Variants in FGF4 observed in about 807,000 individuals in gnomAD.
FGF4 encodes the protein fibroblast growth factor 4, also known as heparin secretory transforming protein 1.
In FGF4, 9 loss-of-function variants were observed where a neutral mutation model predicts 15.7. That is an observed-to-expected ratio of 0.57 (90% confidence interval 0.35 to 1.00). FGF4 has a LOEUF of 1.00. Among genes scored for constraint, FGF4 ranks in the 50% least tolerant of loss-of-function variants. The pLI is 0.02. For missense variants in FGF4, 286 were observed against 297.3 expected, an observed-to-expected ratio of 0.96 and a Z score of 0.28; for synonymous variants, 164 against 144.8, an observed-to-expected ratio of 1.13 and a Z score of -0.95.
intron 2 of FGF4, 86 bp downstream of exon 2, chr11:69,773,938 A>C: frequency 1.8e-6 from 2 of 1,121,328 alleles, no homozygotes; most frequent in South Asian, 1.4e-5. Flanking sequence ...AGACCCAGGC[A>C]CAGGTGGGGC....
rs1286655928 is a variant in FGF4, at chr11:69,771,938, G to C, written c.*1371C>G. 2 of 151,978 alleles carry C rather than the reference G, an allele frequency of 1.3e-5. No individual in the cohort carries two copies. Among genetic ancestry groups the C allele is most frequent in the Non-Finnish European group, 2.9e-5 (2 of 68,020 alleles). 9.4% of individuals were successfully genotyped at this position (151,978 alleles called of 1,614,324 possible). A position where few individuals can be genotyped will look rare whatever the true frequency, so the allele number is the denominator to read the frequency against. On this transcript the variant is annotated 3_prime_UTR_variant, in exon 3 of 3. Coordinates refer to ENST00000168712, the MANE Select transcript of FGF4 (RefSeq NM_002007.4). ...CTCGGAACTTTTTTTAAACATCACCGACCCTGCCTCTTCCACGGTTGCTTC... is the reference window on the plus strand; with the variant it reads ...CTCGGAACTTTTTTTAAACATCACCCACCCTGCCTCTTCCACGGTTGCTTC...
In FGF4 at chr11:69,774,884, C is replaced by T; in HGVS notation, c.201G>A (p.Ala67=). The part of the protein sequence containing the change: ...RLPVAAQPKE[A]AVQSGAGDYL... ...AGTCGCCGGCGCCGCTCTGGACGGC[C>T]GCCTCCTTGGGCTGCGCTGCCACCG... Residue 67 remains alanine (A), a synonymous_variant, in exon 1 of 3, where the codon GCG becomes GCA. Transcript: ENST00000168712. The T allele has an allele frequency of 6.7e-7, 1 of 1,496,316 alleles. No individual in the cohort carries two copies. Among genetic ancestry groups the T allele is most frequent in the Non-Finnish European group, 8.8e-7 (1 of 1,130,278 alleles). The allele number at this position is 1,496,316 out of a possible 1,614,324, so 92.7% of individuals were successfully genotyped here.
chr11:69,774,008 C>A lies in FGF4; in HGVS notation c.444+16G>T, dbSNP rs1333445228. 19 of 1,601,982 alleles carry A rather than the reference C, an allele frequency of 1.2e-5. No individual in the cohort carries two copies. The highest frequency in any genetic ancestry group is 2.7e-5 in the African/African-American group (2 of 74,756). ...GTTCCCAACTAGGTGCCTAGCCAGA[C>A]CCCTGCGGTACTCACCGAGCCATAG... On this transcript the variant is annotated intron_variant, in intron 2 of 2. Transcript: ENST00000168712.
Position 69,772,815 on chromosome 11 carries a change from T to C in FGF4, c.*494A>G, listed in dbSNP as rs3740640. The stretch of plus-strand genomic sequence containing the variant: ...TTTCTGTACCCGAAGTAAACCGATA[T>C]GTCCCGATTAATAGCAACAGGGCAC... On this transcript the variant is annotated 3_prime_UTR_variant, in exon 3 of 3. Coordinates refer to ENST00000168712, the MANE Select transcript of FGF4 (RefSeq NM_002007.4). 0.13 allele frequency: 23,541 copies of C among 174,644 alleles called. 2,146 individuals carry two copies. The highest frequency in any genetic ancestry group is 0.41 in the East Asian group (3,690 of 8,982). 10.8% of individuals were successfully genotyped at this position (174,644 alleles called of 1,614,324 possible).
Position 69,771,749 on chromosome 11 carries a change from C to T in FGF4, c.*1560G>A, listed in dbSNP as rs1394550553. On this transcript the variant is annotated 3_prime_UTR_variant, in exon 3 of 3. Transcript: ENST00000168712. ...ACTCCAATCAGATTTTCCAGTCTTG[C>T]TGTCTGTAGACTCCCATAAAGTTAA... The T allele has an allele frequency of 6.6e-6, 1 of 152,194 alleles. No homozygotes were observed. The highest frequency in any genetic ancestry group is 2.4e-5 in the African/African-American group (1 of 41,444). 9.4% of individuals were successfully genotyped at this position (152,194 alleles called of 1,614,324 possible).
Position 69,771,158 on chromosome 11 carries a change from G to A in FGF4, c.*2151C>T, listed in dbSNP as rs993562245. The A allele has an allele frequency of 6.6e-6, 1 of 152,214 alleles. No individual in the cohort carries two copies. Among genetic ancestry groups the A allele is most frequent in the Non-Finnish European group, 1.5e-5 (1 of 68,040 alleles). The allele number at this position is 152,214 out of a possible 1,614,324, so 9.4% of individuals were successfully genotyped here. A position where few individuals can be genotyped will look rare whatever the true frequency, so the allele number is the denominator to read the frequency against. On this transcript the variant is annotated 3_prime_UTR_variant, in exon 3 of 3. Coordinates refer to ENST00000168712, the MANE Select transcript of FGF4 (RefSeq NM_002007.4). ...ATGTGCACAGCACATACATCACAAC[G>A]AGGGTCGGCACCTGTATAAAACTAC...
At position 69,771,829 on chromosome 11, in the gene FGF4, T is replaced by C. The variant is rs1470107479; in HGVS notation, c.*1480A>G. ...AGAGTATTAAAGTCTTGACGAAACATTCGGAGCATTTCTGGTAGCAAGCTA... is the reference window on the plus strand; with the variant it reads ...AGAGTATTAAAGTCTTGACGAAACACTCGGAGCATTTCTGGTAGCAAGCTA... On this transcript the variant is annotated 3_prime_UTR_variant, in exon 3 of 3. Transcript: ENST00000168712. 3 of 152,158 alleles carry C rather than the reference T, an allele frequency of 2.0e-5. No individual in the cohort carries two copies. The highest frequency in any genetic ancestry group is 7.2e-5 in the African/African-American group (3 of 41,424). The allele number at this position is 152,158 out of a possible 1,614,324, so 9.4% of individuals were successfully genotyped here.
chr11:69,774,707 C>T, intron 1 of FGF4, 38 bp downstream of exon 1: 1 of 1,365,952 alleles, frequency 7.3e-7, no homozygotes, highest in Middle Eastern at 2.7e-4. Context: ...GCCGTTGCCC[C>T]CCGCCCCCGC....
intron 1 of FGF4, 129 bp downstream of exon 1, chr11:69,774,616 C>A (rs1195771748): frequency 9.3e-6 from 6 of 647,542 alleles, no homozygotes. Context: ...GACCGGAGCC[C>A]GAGTCCGCCC....
In FGF4 at chr11:69,772,843, A is replaced by T; in HGVS notation, c.*466T>A. The stretch of plus-strand genomic sequence containing the variant: ...CCCGATTAATAGCAACAGGGCACAA[A>T]GGGAGTGGGCCTCTGAGGATGCTAG... On this transcript the variant is annotated 3_prime_UTR_variant, in exon 3 of 3. Coordinates refer to ENST00000168712, the MANE Select transcript of FGF4 (RefSeq NM_002007.4). 1 of 187,600 alleles carries T rather than the reference A, an allele frequency of 5.3e-6. No individual in the cohort carries two copies. The highest frequency in any genetic ancestry group is 1.1e-5 in the Non-Finnish European group (1 of 88,882). The allele number at this position is 187,600 out of a possible 1,614,324, so 11.6% of individuals were successfully genotyped here. A position where few individuals can be genotyped will look rare whatever the true frequency, so the allele number is the denominator to read the frequency against.
rs985697157 is a variant in FGF4, at chr11:69,772,110, C to T, written c.*1199G>A. 6.6e-6 allele frequency: 1 copy of T among 152,290 alleles called. No individual in the cohort carries two copies. The highest frequency in any genetic ancestry group is 1.9e-4 in the East Asian group (1 of 5,176). 9.4% of individuals were successfully genotyped at this position (152,290 alleles called of 1,614,324 possible). ...AATCACAGGGTAAAGATAGCTCAAA[C>T]GTGACAAGGTTCGAATGGGACGCAC... On this transcript the variant is annotated 3_prime_UTR_variant, in exon 3 of 3. Transcript: ENST00000168712.
At position 69,775,020 on chromosome 11, in the gene FGF4, G is replaced by T; in HGVS notation, c.65C>A (p.Pro22His). ...LPAVLLALLA[P>H]WAGRGGAAAP... is the part of the protein sequence containing the mutation. ...GGCGGCGCCCCCTCGGCCCGCCCAG[G>T]GCGCCAGCAAGGCCAGCAGGACCGC... is the stretch of plus-strand genomic sequence containing the variant. Residue 22 changes from proline to histidine, a missense_variant, in exon 1 of 3, where the codon CCC (proline) becomes CAC (histidine). Pro to His is a moderately conservative substitution (Grantham distance 77). Transcript: ENST00000168712. 1 of 1,439,096 alleles carries T rather than the reference G, an allele frequency of 6.9e-7. No homozygotes were observed. The highest frequency in any genetic ancestry group is 2.7e-5 in the Admixed American group (1 of 36,464). 89.1% of individuals were successfully genotyped at this position (1,439,096 alleles called of 1,614,324 possible).
chr11:69,774,919 C>A lies in FGF4; in HGVS notation c.166G>T (p.Ala56Ser). ...GGCTGCGCTGCCACCGGCAGGCGCG[C>A]CAACGAGAGCGCCACCAGGCTCTCC... ...RWESLVALSL[A>S]RLPVAAQPKE... Residue 56 changes from alanine (A) to serine (S), a missense_variant, in exon 1 of 3, where the codon GCG (alanine) becomes TCG (serine). Physicochemically the swap from Ala to Ser is moderately conservative, Grantham distance 99. Coordinates refer to ENST00000168712, the MANE Select transcript of FGF4 (RefSeq NM_002007.4). 1 of 1,481,442 alleles carries A rather than the reference C, an allele frequency of 6.8e-7. No individual in the cohort carries two copies. 91.8% of individuals were successfully genotyped at this position (1,481,442 alleles called of 1,614,324 possible). A position where few individuals can be genotyped will look rare whatever the true frequency, so the allele number is the denominator to read the frequency against.
rs1855599424 is a variant in FGF4 at position 69,773,431 on chromosome 11, T to C, written c.499A>G (p.Asn167Asp). The C allele has an allele frequency of 6.2e-7, 1 of 1,613,988 alleles. No individual in the cohort carries two copies. The highest frequency in any genetic ancestry group is 1.7e-5 in the Admixed American group (1 of 59,994). Residue 167 changes from asparagine (N) to aspartate (D), a missense_variant, in exon 3 of 3, where the codon AAC (asparagine) becomes GAC (aspartate). Physicochemically the swap from Asn to Asp is conservative, Grantham distance 23. Transcript: ENST00000168712. The part of the protein sequence containing the change: ...FKEILLPNNY[N>D]AYESYKYPGM... ...GGGTACTTGTAGGACTCGTAGGCGT[T>C]GTAGTTGTTGGGAAGGAGAATCTCC...
rs1334783518 is a variant in FGF4 at position 69,775,062 on chromosome 11, G to A, written c.23C>T (p.Ala8Val). The change falls in exon 1 of 3, where the codon GCG becomes GTG. Residue 8 changes from alanine (A) to valine (V), a missense_variant. Transcript: ENST00000168712. MSGPGTA[A>V]VALLPAVLLA... ...CAGGACCGCCGGGAGCAGCGCTACCGCGGCCGTCCCGGGCCCCGACATCCC... is the reference window on the plus strand; with the variant it reads ...CAGGACCGCCGGGAGCAGCGCTACCACGGCCGTCCCGGGCCCCGACATCCC... 8.1e-6 allele frequency: 11 copies of A among 1,352,220 alleles called. No homozygotes were observed. In the East Asian group the frequency reaches 2.5e-4, roughly 31 times the overall value. The allele number at this position is 1,352,220 out of a possible 1,614,324, so 83.8% of individuals were successfully genotyped here.
At position 69,774,108 on chromosome 11, in the gene FGF4, G is replaced by C. The variant is rs978028266; in HGVS notation, c.360C>G (p.Pro120=). 8 of 1,612,438 alleles carry C rather than the reference G, an allele frequency of 5.0e-6. No individual in the cohort carries two copies. Among genetic ancestry groups the C allele is most frequent in the African/African-American group, 4.0e-5 (3 of 75,066 alleles). The change falls in exon 2 of 3, where the codon CCC becomes CCG. Residue 120 remains proline, a synonymous_variant. Transcript: ENST00000168712. ...DTRDSLLELS[P]VERGVVSIFG... ...AGATGCTCACCACGCCCCGCTCCAC[G>C]GGCGAGAGCTCCAGCAGGCCTGGGG...
At position 69,774,135 on chromosome 11, in the gene FGF4, C is replaced by A. The variant is rs551340204; in HGVS notation, c.341-8G>T. 2.1e-5 allele frequency: 33 copies of A among 1,607,446 alleles called. No individual in the cohort carries two copies. In the Admixed American group the frequency reaches 5.4e-4, roughly 26 times the overall value. ...GCGAGAGCTCCAGCAGGCCTGGGGG[C>A]GGGGCGCAGGTCATTGCGGGGCAGG... is the stretch of plus-strand genomic sequence containing the variant. On this transcript the variant is annotated splice_polypyrimidine_tract_variant and splice_region_variant and intron_variant, in intron 1 of 2. Transcript: ENST00000168712.
At chr11:69,774,635 G>T in intron 1 of FGF4, 110 bp downstream of exon 1, 1 of 813,342 alleles carries the variant, frequency 1.2e-6, no homozygotes, top group South Asian at 2.7e-5. Flanking sequence ...CCCGGTTCCC[G>T]GGGCCCCCGA....
rs1565103991 is a variant in FGF4 at position 69,774,273 on chromosome 11, C to T, written c.341-146G>A. 4.5e-6 allele frequency: 3 copies of T among 661,268 alleles called. No individual in the cohort carries two copies. In the East Asian group the frequency reaches 8.2e-5, roughly 18 times the overall value. 41.0% of individuals were successfully genotyped at this position (661,268 alleles called of 1,614,324 possible). On this transcript the variant is annotated intron_variant, in intron 1 of 2. Transcript: ENST00000168712. ...CCGGCGCAGCCGCCCCCAAGGGCCTCCAGAGCCCAAGCTGCCCTCTAGGGC... is the reference window on the plus strand; with the variant it reads ...CCGGCGCAGCCGCCCCCAAGGGCCTTCAGAGCCCAAGCTGCCCTCTAGGGC...
Sources: allele counts gnomAD v4.1 joint callset, GRCh38; gene constraint gnomAD v4.1.1; transcripts MANE v1.5; gene names NCBI Gene and HGNC (gene_info 2026-07-23, HGNC 2026-07-21).